The following COG4 variants were observed in gnomAD, a reference collection of about 807,000 sequenced individuals.
COG4 encodes the protein conserved oligomeric Golgi complex subunit 4.
COG4 carries 65 observed loss-of-function variants against 95.1 expected under a neutral mutation model. That is an observed-to-expected ratio of 0.68 (90% CI 0.56 to 0.84). The LOEUF is 0.84. COG4 is among the 40% of genes least tolerant of loss of function. The probability of loss-of-function intolerance (pLI) is 0.00; values close to 1 mark genes in which losing one functional copy is unlikely to be tolerated. For missense variants in COG4, 1,045 were observed against 989.1 expected, an observed-to-expected ratio of 1.06 and a Z score of -0.76; for synonymous variants, 421 against 374.8, an observed-to-expected ratio of 1.12 and a Z score of -1.42.
At chr16:70,502,280 CAAAAAAAAAAAAAAA>C (rs59805765) in intron 8 of COG4, among the ~76,000 whole-genome samples, 4 of 19,110 alleles carry the variant, frequency 2.1e-4, no homozygotes, top group East Asian at 5.5e-3. Context: ...GACTCCGTCT[CAAAAAAAAAAAAAAA>C]AAAAAAAAAA....
At chr16:70,499,976 T>G (rs972891600) in intron 9 of COG4, among the ~76,000 whole-genome samples, 4 of 151,868 alleles carry the variant, frequency 2.6e-5, no homozygotes, top group Non-Finnish European at 5.9e-5. Flanking sequence ...TTTTTTTAAA[T>G]GTTTATCTTT....
intron 12 of COG4, among the ~76,000 whole-genome samples, chr16:70,492,069 C>CAT (rs1346128114): frequency 1.3e-5 from 2 of 152,118 alleles, no homozygotes; most frequent in Non-Finnish European, 2.9e-5. Flanking sequence ...GACAGACACT[C>CAT]AGAGTGACAA....
rs2048977047 is a variant in COG4 at position 70,480,978 on chromosome 16, G to C, written c.*32C>G. On this transcript the variant is annotated 3_prime_UTR_variant, in exon 19 of 19. Transcript: ENST00000323786. Reference sequence around the variant, plus strand: ...GGCCCCTTAGGGAACAGGCCTGCAAGTGTGATGAGCCAGGTGTGCTCATCC... The same window carrying C: ...GGCCCCTTAGGGAACAGGCCTGCAACTGTGATGAGCCAGGTGTGCTCATCC... The C allele has an allele frequency of 6.2e-7, 1 of 1,610,428 alleles. No homozygotes were observed. The highest frequency in any genetic ancestry group is 8.5e-7 in the Non-Finnish European group (1 of 1,179,926).
Position 70,481,151 on chromosome 16 carries a change from G to A in COG4, c.2236-7C>T, listed in dbSNP as rs1251104719. On this transcript the variant is annotated splice_region_variant and splice_polypyrimidine_tract_variant and intron_variant, in intron 18 of 18. Coordinates refer to ENST00000323786, the MANE Select transcript of COG4 (RefSeq NM_015386.3). ...AATCGAGGATCTCGGTCACCTGTGG[G>A]GAAGGACATAGAGACCAGTCAGCAA... 3 of 1,613,308 alleles carry A rather than the reference G, an allele frequency of 1.9e-6. No homozygotes were observed. Among genetic ancestry groups the A allele is most frequent in the African/African-American group, 1.3e-5 (1 of 75,058 alleles).
chr16:70,498,485 C>T (rs143936416), intron 9 of COG4, among the ~76,000 whole-genome samples: 4,802 of 151,866 alleles, frequency 0.032, 286 homozygotes, highest in African/African-American at 0.11. Flanking sequence ...TGCACCACCA[C>T]GCCCGGCAAA....
intron 12 of COG4, among the ~76,000 whole-genome samples, chr16:70,491,903 A>C (rs1597663195): frequency 1.3e-5 from 2 of 152,144 alleles, no homozygotes; most frequent in African/African-American, 2.4e-5. Flanking sequence ...TTTACTGAGC[A>C]CCTGGATGTG....
intron 13 of COG4, among the ~76,000 whole-genome samples, chr16:70,484,754 C>T (rs1468244441): frequency 6.6e-6 from 1 of 152,098 alleles, no homozygotes; most frequent in East Asian, 1.9e-4. Flanking sequence ...AAAGAATTAG[C>T]TGGATGTAGT....
intron 12 of COG4, among the ~76,000 whole-genome samples, chr16:70,492,774 C>T (rs1426287536): frequency 1.3e-5 from 2 of 151,628 alleles, no homozygotes; most frequent in African/African-American, 4.8e-5. Context: ...ACCATCCTGG[C>T]CAACATGGCA....
intron 9 of COG4, among the ~76,000 whole-genome samples, chr16:70,500,592 C>A (rs1053578050): frequency 6.6e-6 from 1 of 151,646 alleles, no homozygotes; most frequent in Non-Finnish European, 1.5e-5. Context: ...AACTCCTGAC[C>A]TCCGGTAATC....
Position 70,481,078 on chromosome 16 carries a change from C to A in COG4, c.2302G>T (p.Glu768Ter). ...CGCAGGGCCAGCACCTGGCGCACTTCAGCAGGGGTGAGGCGCCACGTCAAT... is the reference window on the plus strand; with the variant it reads ...CGCAGGGCCAGCACCTGGCGCACTTAAGCAGGGGTGAGGCGCCACGTCAAT... ...GPLTWRLTPA[E>*]VRQVLALRID... Residue 768 changes from glutamate (E) to a stop codon, truncating the protein, a stop_gained, in exon 19 of 19, where the codon GAA (glutamate) becomes TAA (stop). Transcript: ENST00000323786. LOFTEE classifies it high-confidence loss of function. The A allele has an allele frequency of 6.2e-7, 1 of 1,613,462 alleles. No individual in the cohort carries two copies. Among genetic ancestry groups the A allele is most frequent in the South Asian group, 1.1e-5 (1 of 91,088 alleles).
intron 1 of COG4, among the ~76,000 whole-genome samples, chr16:70,521,277 C>T (rs917588203): frequency 1.5e-4 from 23 of 151,600 alleles, no homozygotes; most frequent in Admixed American, 5.3e-4. Flanking sequence ...AGTGAAGTGG[C>T]CTGATCTTGG....
intron 8 of COG4, among the ~76,000 whole-genome samples, chr16:70,504,404 C>T (rs1425668303): frequency 6.6e-6 from 1 of 151,840 alleles, no homozygotes; most frequent in Non-Finnish European, 1.5e-5. Flanking sequence ...GTTAGGAGTT[C>T]AAGACCTGCC....
At chr16:70,520,042 A>G (rs568365263) in intron 1 of COG4, among the ~76,000 whole-genome samples, 7 of 152,074 alleles carry the variant, frequency 4.6e-5, no homozygotes, top group Non-Finnish European at 1.0e-4. Flanking sequence ...CTGGATCCCA[A>G]AGTAATCCCA....
At chr16:70,492,924 T>C (rs768280762) in intron 12 of COG4, among the ~76,000 whole-genome samples, 3 of 151,948 alleles carry the variant, frequency 2.0e-5, no homozygotes, top group Non-Finnish European at 4.4e-5. Flanking sequence ...GATCGCGCCA[T>C]TGCACCCCAG....
At chr16:70,495,785 G>A (rs1172967578) in intron 12 of COG4, among the ~76,000 whole-genome samples, 2 of 152,210 alleles carry the variant, frequency 1.3e-5, no homozygotes, top group Non-Finnish European at 2.9e-5. Context: ...CTGTCATTCT[G>A]GGTAGCAAAG....
intron 12 of COG4, among the ~76,000 whole-genome samples, chr16:70,494,048 C>T (rs1163051420): frequency 6.6e-6 from 1 of 152,096 alleles, no homozygotes; most frequent in East Asian, 1.9e-4. Context: ...GTCCTGCAGC[C>T]AGTGCTGAAA....
intron 10 of COG4, 112 bp downstream of exon 10, chr16:70,497,825 C>G (rs1413834740): frequency 2.5e-6 from 2 of 788,610 alleles, no homozygotes; most frequent in African/African-American, 3.4e-5. Context: ...AATCTGCATG[C>G]AAGAGTATTC....
At chr16:70,481,699 G>A in intron 17 of COG4, 65 bp downstream of exon 17, 3 of 1,442,380 alleles carry the variant, frequency 2.1e-6, no homozygotes, top group Admixed American at 1.8e-5. Flanking sequence ...CCTGGGGGTG[G>A]TGGCATGACA....
chr16:70,482,022 G>A, intron 16 of COG4, 70 bp downstream of exon 16: 1 of 1,411,366 alleles, frequency 7.1e-7, no homozygotes, highest in South Asian at 1.1e-5. Flanking sequence ...AATGTGATGA[G>A]ACCCTGCAGG....
Sources: allele counts gnomAD v4.1 joint callset (sites outside exome capture counted in the v4.1 genomes callset), GRCh38; gene constraint gnomAD v4.1.1; transcripts MANE v1.5; gene names NCBI Gene and HGNC (gene_info 2026-07-23, HGNC 2026-07-21).